The following MTUS2 variants were observed in gnomAD, a reference collection of about 807,000 sequenced individuals.
MTUS2 encodes the protein microtubule associated scaffold protein 2.
Under a neutral mutation model 114.1 loss-of-function variants are expected in MTUS2, and 40 were observed. That is an observed-to-expected ratio of 0.35 (90% CI 0.27 to 0.46). The LOEUF (loss-of-function observed/expected upper bound fraction) is 0.46. Ranked by LOEUF, MTUS2 falls within the 20% of genes least tolerant of loss-of-function variation. The pLI is 1.00. For synonymous variants in MTUS2, 688 were observed against 672.0 expected (o/e 1.02, Z -0.37); for missense variants, 1,679 against 1,705.4 (o/e 0.98, Z 0.27).
rs566778352 is a variant in MTUS2, at chr13:29,000,336, G to A, written c.-242-24121G>A. 4.6e-5 allele frequency among the ~76,000 whole-genome samples: 7 copies of A among 152,156 alleles called. No individual in the cohort carries two copies. In the South Asian group the frequency reaches 1.0e-3, roughly 23 times the overall value. ...TGAAGGACAGTTTTGCTGCCCATAG[G>A]ATTCTTGGTTGACAGTGTTTTTTCC... On this transcript the variant is annotated intron_variant, in intron 2 of 15. Coordinates refer to ENST00000612955, the MANE Select transcript of MTUS2 (RefSeq NM_001033602.4).
chr13:29,390,776 GAT>G (rs1873383669), intron 8 of MTUS2, among the ~76,000 whole-genome samples: 1 of 150,058 alleles, frequency 6.7e-6, no homozygotes, highest in Non-Finnish European at 1.5e-5. Flanking sequence ...TGATGATGAT[GAT>G]GATGATGATG....
chr13:29,159,623 C>T (rs1893010585), intron 5 of MTUS2, among the ~76,000 whole-genome samples: 1 of 150,666 alleles, frequency 6.6e-6, no homozygotes, highest in Non-Finnish European at 1.5e-5. Context: ...GACTAATATA[C>T]ATAAAGAACT....
intron 2 of MTUS2, among the ~76,000 whole-genome samples, chr13:29,013,229 G>A (rs1259575006): frequency 6.6e-6 from 1 of 152,060 alleles, no homozygotes; most frequent in Non-Finnish European, 1.5e-5. Flanking sequence ...ATTGGTATTG[G>A]AGCAGTTTGG....
At chr13:29,148,182 A>G (rs757805808) in intron 5 of MTUS2, among the ~76,000 whole-genome samples, 1 of 146,336 alleles carries the variant, frequency 6.8e-6, no homozygotes, top group Admixed American at 6.8e-5. Context: ...TTTTTTTCTG[A>G]TGATTAGTGA....
intron 5 of MTUS2, among the ~76,000 whole-genome samples, chr13:29,214,077 T>G (rs1230830587): frequency 1.3e-5 from 2 of 152,218 alleles, no homozygotes; most frequent in African/African-American, 4.8e-5. Context: ...TTATATATGA[T>G]GTATGAATCT....
intron 8 of MTUS2, among the ~76,000 whole-genome samples, chr13:29,384,260 C>T (rs1199628165): frequency 6.6e-6 from 1 of 152,174 alleles, no homozygotes; most frequent in Non-Finnish European, 1.5e-5. Context: ...TTATCCAAGC[C>T]CAGGGGAAAT....
intron 8 of MTUS2, among the ~76,000 whole-genome samples, chr13:29,401,383 A>T (rs1304124829): frequency 2.0e-5 from 3 of 152,186 alleles, no homozygotes; most frequent in African/African-American, 7.2e-5. Flanking sequence ...TATATAGTGA[A>T]ATCTATGACT....
intron 4 of MTUS2, among the ~76,000 whole-genome samples, chr13:29,091,918 A>T (rs1256266950): frequency 6.6e-6 from 1 of 152,244 alleles, no homozygotes; most frequent in East Asian, 1.9e-4. Context: ...AGAAGGCAGC[A>T]GAGCCTGTTA....
At chr13:28,837,085 T>C (rs1017547035) in intron 1 of MTUS2, among the ~76,000 whole-genome samples, 2 of 152,178 alleles carry the variant, frequency 1.3e-5, no homozygotes, top group African/African-American at 4.8e-5. Flanking sequence ...AGACTCCTGC[T>C]GAATCGAGAG....
chr13:29,082,435 A>G (rs1026288500), intron 4 of MTUS2, among the ~76,000 whole-genome samples: 7 of 152,144 alleles, frequency 4.6e-5, no homozygotes, highest in African/African-American at 1.7e-4. Flanking sequence ...TTCATCTGTA[A>G]AATGTATGAA....
intron 2 of MTUS2, among the ~76,000 whole-genome samples, chr13:28,898,104 GAT>G (rs1294697297): frequency 1.3e-5 from 2 of 152,148 alleles, no homozygotes; most frequent in African/African-American, 4.8e-5. Flanking sequence ...GGCAGTATAA[GAT>G]GTGTTTGATG....
At chr13:29,383,763 G>C (rs1414172646) in intron 8 of MTUS2, among the ~76,000 whole-genome samples, 1 of 152,168 alleles carries the variant, frequency 6.6e-6, no homozygotes, top group African/African-American at 2.4e-5. Flanking sequence ...GGGAGGGCAG[G>C]CCATTCAAAT....
intron 6 of MTUS2, among the ~76,000 whole-genome samples, chr13:29,303,568 C>T (rs1005494972): frequency 2.0e-5 from 3 of 152,058 alleles, no homozygotes; most frequent in African/African-American, 7.3e-5. Flanking sequence ...TGAAATAAGA[C>T]AGGCAGACAA....
chr13:29,480,156 A>G lies in MTUS2; in HGVS notation c.3191A>G (p.His1064Arg), dbSNP rs936571686. 2.6e-6 allele frequency: 4 copies of G among 1,553,112 alleles called. No homozygotes were observed. The highest frequency in any genetic ancestry group is 2.7e-5 in the African/African-American group (2 of 73,120). ...TCTTGTGCTTTGCGCCCAGCCTTCC[A>G]TACAGCAAAGTGCGAGAAACTACAA... ...LANIRDEVAFHTAKCEKLQKE... is the reference protein window; with the variant it reads ...LANIRDEVAFRTAKCEKLQKE... The change falls in exon 10 of 16, where the codon CAT (histidine) becomes CGT (arginine). Residue 1064 changes from histidine to arginine, a missense_variant. Around this residue, in one of 3 missense-constraint regions of MTUS2, gnomAD observed 822 missense variants for 899.7 expected, o/e 0.91. Coordinates refer to ENST00000612955, the MANE Select transcript of MTUS2 (RefSeq NM_001033602.4). This position sits in a 1 kb window ranked among gnomAD's most constrained non-coding sequence, Gnocchi z 4.4.
chr13:29,032,485 T>G (rs1886873511), intron 3 of MTUS2, among the ~76,000 whole-genome samples: 1 of 152,172 alleles, frequency 6.6e-6, no homozygotes, highest in South Asian at 2.1e-4. Context: ...AGGGTATATA[T>G]GAGAAAAACC....
intron 5 of MTUS2, among the ~76,000 whole-genome samples, chr13:29,196,435 A>G (rs1213654845): frequency 6.6e-6 from 1 of 151,256 alleles, no homozygotes; most frequent in Non-Finnish European, 1.5e-5. Flanking sequence ...TTTTTCCTCA[A>G]TTTTTTTTTT....
intron 8 of MTUS2, among the ~76,000 whole-genome samples, chr13:29,405,996 C>G (rs1241066420): frequency 1.3e-5 from 2 of 152,162 alleles, no homozygotes; most frequent in Non-Finnish European, 2.9e-5. Context: ...CCGCCTCAGC[C>G]TCCCACAGTG....
At chr13:29,497,857 T>C (rs959653408) in intron 13 of MTUS2, 1 of 162,808 alleles carries the variant, frequency 6.1e-6, no homozygotes. Context: ...GCAATACTTA[T>C]ACTGAATTTT....
At chr13:29,194,550 A>G (rs1487428087) in intron 5 of MTUS2, among the ~76,000 whole-genome samples, 1 of 152,204 alleles carries the variant, frequency 6.6e-6, no homozygotes, top group Admixed American at 6.5e-5. Context: ...GTGAGATACC[A>G]TCTCACACCA....
Sources: gnomAD v4.1 joint callset for allele counts (sites outside exome capture counted in the v4.1 genomes callset) on GRCh38, gnomAD v4.1.1 for gene constraint, gnomAD v4.1.1 regional missense constraint, Gnocchi (gnomAD v3.1) non-coding constraint, MANE v1.5 for transcripts, NCBI Gene and HGNC (gene_info 2026-07-23, HGNC 2026-07-21) for gene names.